Variants in UROC1 observed in about 807,000 individuals in gnomAD.
UROC1 encodes the protein urocanate hydratase 1.
UROC1 carries 79 observed loss-of-function variants against 89.5 expected under a neutral mutation model. That is an observed-to-expected ratio of 0.88 (90% CI 0.74 to 1.06). The LOEUF is 1.06. UROC1 is among the 50% of genes least tolerant of loss of function. The pLI is 0.00. For synonymous variants in UROC1, 361 were observed against 354.8 expected, an observed-to-expected ratio of 1.02 and a Z score of -0.20; for missense variants, 885 against 907.8, an observed-to-expected ratio of 0.97 and a Z score of 0.32.
intron 7 of UROC1, 44 bp from the exon 8 acceptor site, chr3:126,505,888 GC>G: frequency 1.1e-6 from 1 of 941,780 alleles, no homozygotes; most frequent in Non-Finnish European, 1.6e-6. Context: ...CTCCCAGCCC[GC>G]CCCCTCCACC....
chr3:126,506,177 T>C (rs1936055812), intron 6 of UROC1, among the ~76,000 whole-genome samples, 166 bp from the exon 7 acceptor site: 1 of 152,248 alleles, frequency 6.6e-6, no homozygotes. Context: ...ACAAGAAGGC[T>C]ATGGACACCC....
chr3:126,489,894 T>C (rs1935604539), intron 16 of UROC1, among the ~76,000 whole-genome samples: 1 of 152,224 alleles, frequency 6.6e-6, no homozygotes, highest in Non-Finnish European at 1.5e-5. Flanking sequence ...AAGTGTCACT[T>C]CACACCATTG....
intron 1 of UROC1, 121 bp downstream of exon 1, chr3:126,517,473 G>A (rs139504701): frequency 0.012 from 17,103 of 1,484,424 alleles, 140 homozygotes; most frequent in Non-Finnish European, 0.013. Flanking sequence ...GGAGCCCCTG[G>A]AGTCCAGGGT....
At chr3:126,497,753 C>T (rs1935814226) in intron 14 of UROC1, among the ~76,000 whole-genome samples, 1 of 152,144 alleles carries the variant, frequency 6.6e-6, no homozygotes, top group Non-Finnish European at 1.5e-5. Context: ...CACTCGCAGC[C>T]AGAGGTCCTC....
chr3:126,509,783 G>C lies in UROC1; in HGVS notation c.258-105C>G, dbSNP rs141833922. 760 of 1,062,320 alleles carry C rather than the reference G, an allele frequency of 7.2e-4. 4 individuals are homozygous for C. In the African/African-American group the frequency reaches 0.01, roughly 15 times the overall value. 65.8% of individuals were successfully genotyped at this position (1,062,320 alleles called of 1,614,324 possible). On this transcript the variant is annotated intron_variant, in intron 2 of 19. Coordinates refer to ENST00000290868, the MANE Select transcript of UROC1 (RefSeq NM_144639.3). ...CGCTCAGGCAAGGATAGCCGGACAC[G>C]GGGCCTGCAGAACTAGCTAGGAACG...
At chr3:126,483,707 G>A (rs62264725) in intron 18 of UROC1, among the ~76,000 whole-genome samples, 2 of 152,186 alleles carry the variant, frequency 1.3e-5, no homozygotes, top group African/African-American at 2.4e-5. Context: ...TGTCGGCCTC[G>A]TGCCCACTTC....
At chr3:126,510,632 G>C in intron 2 of UROC1, 32 bp downstream of exon 2, 2 of 1,611,756 alleles carry the variant, frequency 1.2e-6, no homozygotes, top group Non-Finnish European at 1.7e-6. Flanking sequence ...CTGCCCCTCG[G>C]GTCCCTTTGA....
At chr3:126,514,529 G>A (rs1040921788) in intron 1 of UROC1, among the ~76,000 whole-genome samples, 7 of 152,190 alleles carry the variant, frequency 4.6e-5, no homozygotes, top group South Asian at 2.1e-4. Flanking sequence ...CGTTAAAGAC[G>A]AGCAAAGAAT....
chr3:126,483,578 G>T (rs1935444479), intron 18 of UROC1, 110 bp from the exon 19 acceptor site: 6 of 1,011,504 alleles, frequency 5.9e-6, no homozygotes, highest in South Asian at 4.5e-5. Context: ...CAGGGTTGGG[G>T]CCGCCACACC....
In UROC1 at chr3:126,497,335, T is replaced by C. The variant is rs114569803; in HGVS notation, c.1438+716A>G. On this transcript the variant is annotated intron_variant, in intron 14 of 19. Coordinates refer to ENST00000290868, the MANE Select transcript of UROC1 (RefSeq NM_144639.3). Reference sequence around the variant, plus strand: ...CAACAACAGAGGAAGTGTCATAAAATAACCATGAAACAACAACGTCAGACC... The same window carrying C: ...CAACAACAGAGGAAGTGTCATAAAACAACCATGAAACAACAACGTCAGACC... 5.0e-3 allele frequency among the ~76,000 whole-genome samples: 761 copies of C among 152,148 alleles called. 8 individuals are homozygous for C. Among genetic ancestry groups the C allele is most frequent in the South Asian group, 7.5e-3 (36 of 4,814 alleles).
chr3:126,506,511 CA>C, intron 6 of UROC1, among the ~76,000 whole-genome samples: 1 of 152,158 alleles, frequency 6.6e-6, no homozygotes, highest in East Asian at 1.9e-4. Flanking sequence ...GATTGGGAGG[CA>C]AAAGGGTTAA....
intron 12 of UROC1, 145 bp downstream of exon 12, chr3:126,499,912 T>C (rs1935874880): frequency 4.0e-6 from 3 of 757,706 alleles, no homozygotes; most frequent in Admixed American, 2.1e-5. Flanking sequence ...CCAGAAGGCC[T>C]GGCAGAGGCA....
chr3:126,500,232 C>T, intron 11 of UROC1, 78 bp from the exon 12 acceptor site: 1 of 1,426,070 alleles, frequency 7.0e-7, no homozygotes, highest in Non-Finnish European at 9.7e-7. Context: ...GTCGCACCCG[C>T]CATGCTCCCC....
chr3:126,507,710 C>A (rs766128029), intron 6 of UROC1, 32 bp downstream of exon 6: 1 of 1,610,568 alleles, frequency 6.2e-7, no homozygotes, highest in Non-Finnish European at 8.5e-7. Context: ...AACGGGGAAA[C>A]ACGGTGTAAA....
chr3:126,504,456 G>C (rs1936008945), intron 8 of UROC1, among the ~76,000 whole-genome samples: 2 of 152,162 alleles, frequency 1.3e-5, no homozygotes. Context: ...TGAAAAAATA[G>C]AGTCATAGCA....
Position 126,483,401 on chromosome 3 carries a change from T to A in UROC1, c.1858A>T (p.Arg620Trp). 1 of 1,613,670 alleles carries A rather than the reference T, an allele frequency of 6.2e-7. No individual in the cohort carries two copies. Among genetic ancestry groups the A allele is most frequent in the Non-Finnish European group, 8.5e-7 (1 of 1,180,038 alleles). ...DGTPEAEGRARLMLSWDVSNG... is the reference protein window; with the variant it reads ...DGTPEAEGRAWLMLSWDVSNG... ...GAGACATCCCAGCTGAGCATCAGCC[T>A]GGCTCTCCCCTCGGCCTCCGGGGTA... The change falls in exon 19 of 20, where the codon AGG becomes TGG. Residue 620 changes from arginine (R) to tryptophan (W), a missense_variant. Arg to Trp is a moderately radical substitution (Grantham distance 101). Transcript: ENST00000290868.
intron 18 of UROC1, among the ~76,000 whole-genome samples, chr3:126,485,601 T>TA (rs1553805063): frequency 2.0e-5 from 3 of 150,778 alleles, no homozygotes; most frequent in Non-Finnish European, 4.4e-5. Flanking sequence ...ATTTATTTAT[T>TA]TTTTTTTGGT....
chr3:126,482,122 C>A lies in UROC1; in HGVS notation c.*223G>T, dbSNP rs1002345425. On this transcript the variant is annotated 3_prime_UTR_variant, in exon 20 of 20. Transcript: ENST00000290868. ...TTTGACAGCCTTCAGGGCTCCCATGCAAGTGGCATGGTTGTGGACAGAGAG... is the reference window on the plus strand; with the variant it reads ...TTTGACAGCCTTCAGGGCTCCCATGAAAGTGGCATGGTTGTGGACAGAGAG... 2.4e-5 allele frequency: 15 copies of A among 638,098 alleles called. No homozygotes were observed. Among genetic ancestry groups the A allele is most frequent in the Admixed American group, 9.0e-5 (3 of 33,440 alleles). 39.5% of individuals were successfully genotyped at this position (638,098 alleles called of 1,614,324 possible).
At position 126,481,820 on chromosome 3, in the gene UROC1, C is replaced by T. The variant is rs1935394812; in HGVS notation, c.*525G>A. On this transcript the variant is annotated 3_prime_UTR_variant, in exon 20 of 20. Transcript: ENST00000290868. ...CATTTATCCTTAGGGCAGACCCGGC[C>T]TGCCCGTCCCACCAGCCCACAGTGC... 1 of 163,204 alleles carries T rather than the reference C, an allele frequency of 6.1e-6. No homozygotes were observed. The highest frequency in any genetic ancestry group is 1.3e-5 in the Non-Finnish European group (1 of 74,306). 10.1% of individuals were successfully genotyped at this position (163,204 alleles called of 1,614,324 possible).
Sources: gnomAD v4.1 joint callset for allele counts (sites outside exome capture counted in the v4.1 genomes callset) on GRCh38, gnomAD v4.1.1 for gene constraint, MANE v1.5 for transcripts, NCBI Gene and HGNC (gene_info 2026-07-23, HGNC 2026-07-21) for gene names.